Variants in ESYT3 observed in about 807,000 individuals in gnomAD.
ESYT3 encodes extended synaptotagmin 3, also known as extended synaptotagmin-3.
ESYT3 carries 101 observed loss-of-function variants against 111.5 expected under a neutral mutation model. The observed-to-expected ratio is 0.91, with a 90% CI of 0.77 to 1.07. The LOEUF (loss-of-function observed/expected upper bound fraction) is 1.07. Ranked by LOEUF, ESYT3 falls within the 50% of genes least tolerant of loss-of-function variation. The pLI, the probability that ESYT3 is intolerant of heterozygous loss-of-function variation, is 0.00. For missense variants in ESYT3, 1,097 were observed against 1,109.4 expected, an observed-to-expected ratio of 0.99 and a Z score of 0.16; for synonymous variants, 416 against 446.8, an observed-to-expected ratio of 0.93 and a Z score of 0.87.
chr3:138,447,385 A>G (rs2108598475), intron 1 of ESYT3, among the ~76,000 whole-genome samples: 1 of 152,342 alleles, frequency 6.6e-6, no homozygotes, highest in East Asian at 1.9e-4. Flanking sequence ...ACCTATTGAA[A>G]TCTCACATGT....
chr3:138,451,714 G>A (rs769565345), intron 1 of ESYT3, among the ~76,000 whole-genome samples: 11 of 152,332 alleles, frequency 7.2e-5, no homozygotes, highest in East Asian at 1.9e-4. Context: ...AAACCGCGTG[G>A]AGTCCTGTCC....
intron 1 of ESYT3, among the ~76,000 whole-genome samples, chr3:138,443,283 T>C (rs930548152): frequency 7.9e-5 from 12 of 152,220 alleles, no homozygotes; most frequent in Non-Finnish European, 1.5e-4. Context: ...CTCAAAGTAC[T>C]TGAGCTGGGT....
At chr3:138,436,286 T>C (rs892630303) in intron 1 of ESYT3, among the ~76,000 whole-genome samples, 1 of 152,226 alleles carries the variant, frequency 6.6e-6, no homozygotes, top group African/African-American at 2.4e-5. Flanking sequence ...TCCTGCGGCC[T>C]CTGCTGGCTT....
chr3:138,460,551 G>A, intron 6 of ESYT3, 60 bp from the exon 7 acceptor site: 1 of 1,568,110 alleles, frequency 6.4e-7, no homozygotes, highest in Non-Finnish European at 8.8e-7. Context: ...CTTGGCAGGG[G>A]GTTCTCAGCC....
At position 138,455,174 on chromosome 3, in the gene ESYT3, G is replaced by A. The variant is rs752017127; in HGVS notation, c.370-20G>A. Reference sequence around the variant, plus strand: ...GGGGGTACAGACCTGACTACCAAGAGCCTCTTCCCGTCTTCACAGATCATC... The same window carrying A: ...GGGGGTACAGACCTGACTACCAAGAACCTCTTCCCGTCTTCACAGATCATC... On this transcript the variant is annotated intron_variant, in intron 2 of 22. Transcript: ENST00000389567. The A allele has an allele frequency of 2.5e-6, 4 of 1,613,818 alleles. No homozygotes were observed. In the Admixed American group the frequency reaches 5.0e-5, roughly 20 times the overall value.
At chr3:138,450,862 A>G (rs943342958) in intron 1 of ESYT3, among the ~76,000 whole-genome samples, 1 of 152,210 alleles carries the variant, frequency 6.6e-6, no homozygotes, top group Non-Finnish European at 1.5e-5. Context: ...GCTCCCAGAT[A>G]GAGGGGGCAT....
intron 5 of ESYT3, among the ~76,000 whole-genome samples, chr3:138,459,703 C>T (rs184373719): frequency 6.6e-6 from 1 of 152,218 alleles, no homozygotes; most frequent in Non-Finnish European, 1.5e-5. Context: ...GCCAGCACAC[C>T]CGTGGAAGGC....
intron 18 of ESYT3, chr3:138,473,131 G>A (rs1234716465): frequency 1.5e-6 from 2 of 1,359,016 alleles, no homozygotes; most frequent in Non-Finnish European, 1.9e-6. Context: ...AGTTATACTG[G>A]GATGACATGG....
At chr3:138,457,290 C>T (rs761649757) in intron 3 of ESYT3, among the ~76,000 whole-genome samples, 8 of 152,198 alleles carry the variant, frequency 5.3e-5, no homozygotes, top group Non-Finnish European at 1.0e-4. Context: ...AGGGAAAGGA[C>T]CCACTTCCAG....
downstream of ESYT3, chr3:138,481,476 C>T (rs1409385021): frequency 1.3e-5 from 2 of 152,052 alleles, no homozygotes; most frequent in Non-Finnish European, 2.9e-5. Context: ...AAGTGATTCT[C>T]CTGCCTCAGC....
At chr3:138,457,209 A>G (rs563693440) in intron 3 of ESYT3, among the ~76,000 whole-genome samples, 6 of 152,294 alleles carry the variant, frequency 3.9e-5, no homozygotes, top group African/African-American at 7.2e-5. Context: ...TCCTGTGCCT[A>G]TGCCCAGCTC....
chr3:138,459,866 C>A, intron 5 of ESYT3, 79 bp from the exon 6 acceptor site: 1 of 1,254,050 alleles, frequency 8.0e-7, no homozygotes, highest in Non-Finnish European at 1.1e-6. Context: ...AATGAGGCAG[C>A]AGATGGCCTC....
intron 16 of ESYT3, 163 bp from the exon 17 acceptor site, chr3:138,470,714 C>T (rs991145305): frequency 3.4e-6 from 5 of 1,450,960 alleles, no homozygotes; most frequent in Non-Finnish European, 4.5e-6. Flanking sequence ...AAGACAAGGA[C>T]CAGGTCTGGC....
intron 4 of ESYT3, 47 bp from the exon 5 acceptor site, chr3:138,459,140 T>C: frequency 6.9e-7 from 1 of 1,439,640 alleles, no homozygotes; most frequent in Non-Finnish European, 9.3e-7. Context: ...TCTGAGCAAG[T>C]GGACCTACCC....
chr3:138,470,688 C>T, intron 16 of ESYT3, 189 bp from the exon 17 acceptor site: 1 of 1,416,488 alleles, frequency 7.1e-7, no homozygotes, highest in Non-Finnish European at 9.2e-7. Context: ...CTCTGAGTCA[C>T]TATCTTCCCT....
Position 138,464,555 on chromosome 3 carries a change from T to C in ESYT3, c.1086+40T>C, listed in dbSNP as rs551241288. On this transcript the variant is annotated intron_variant, in intron 9 of 22. Coordinates refer to ENST00000389567, the MANE Select transcript of ESYT3 (RefSeq NM_031913.5). ...GGCTGCTTCTAGCCTTCACTCTGAG[T>C]CATGCTGGGCAGAGGCAATCCAGGG... The C allele has an allele frequency of 1.9e-6, 3 of 1,610,086 alleles. No individual in the cohort carries two copies. In the African/African-American group the frequency reaches 4.0e-5, roughly 22 times the overall value.
chr3:138,470,023 C>CT, intron 15 of ESYT3, 37 bp from the exon 16 acceptor site: 1 of 1,588,374 alleles, frequency 6.3e-7, no homozygotes, highest in Non-Finnish European at 8.6e-7. Context: ...TCTGCCCAAC[C>CT]TAACCCTTCA....
chr3:138,442,159 GA>G (rs1362010736), intron 1 of ESYT3, among the ~76,000 whole-genome samples: 1 of 151,692 alleles, frequency 6.6e-6, no homozygotes, highest in Non-Finnish European at 1.5e-5. Context: ...ATTCTCATTG[GA>G]GAATATTTGG....
chr3:138,455,912 C>CG (rs1448231884), intron 3 of ESYT3, among the ~76,000 whole-genome samples: 2 of 152,210 alleles, frequency 1.3e-5, no homozygotes, highest in African/African-American at 4.8e-5. Flanking sequence ...TGGTGCCCTA[C>CG]GCCTCCTGCC....
Sources: gnomAD v4.1 joint callset for allele counts (sites outside exome capture counted in the v4.1 genomes callset) on GRCh38, gnomAD v4.1.1 for gene constraint, MANE v1.5 for transcripts, NCBI Gene and HGNC (gene_info 2026-07-23, HGNC 2026-07-21) for gene names.